KLHL17: variants seen among roughly 807,000 people sequenced by gnomAD.
KLHL17 encodes the protein kelch-like protein 17.
A neutral mutation model predicts 64.6 loss-of-function variants in KLHL17; 71 were observed. That is an observed-to-expected ratio of 1.10 (90% CI 0.91 to 1.34). The LOEUF (loss-of-function observed/expected upper bound fraction) is 1.34, where lower values mean the gene tolerates loss of function less well. Among genes scored for constraint, KLHL17 ranks in the 40% most tolerant of loss-of-function variants. KLHL17 has a pLI of 0.00. For missense variants in KLHL17, 1,140 were observed against 935.0 expected (o/e 1.22, Z -2.86); for synonymous variants, 612 against 405.4 (o/e 1.51, Z -6.12).
intron 1 of KLHL17, 49 bp from the exon 2 acceptor site, chr1:961,244 G>C: frequency 7.7e-7 from 1 of 1,302,162 alleles, no homozygotes. Flanking sequence ...GCTCCAGGGC[G>C]GGCGGGCGGC....
chr1:963,821 A>C, intron 8 of KLHL17, 99 bp from the exon 9 acceptor site: 1 of 1,321,738 alleles, frequency 7.6e-7, no homozygotes. Context: ...TTTGACTCCT[A>C]GGGTAAGATT....
Position 965,415 on chromosome 1 carries a change from T to G in KLHL17, c.*224T>G. 1 of 558,168 alleles carries G rather than the reference T, an allele frequency of 1.8e-6. No homozygotes were observed. Among genetic ancestry groups the G allele is most frequent in the South Asian group, 2.3e-5 (1 of 42,626 alleles). The allele number at this position is 558,168 out of a possible 1,614,324, so 34.6% of individuals were successfully genotyped here. On this transcript the variant is annotated 3_prime_UTR_variant, in exon 12 of 12. Coordinates refer to ENST00000338591, the MANE Select transcript of KLHL17 (RefSeq NM_198317.3). ...TCTGGTCCTCCTGCGTGTCCTCCCC[T>G]CCACTGCCTGCATGGGGGGCGCGGG...
chr1:962,202 A>G, intron 4 of KLHL17, 153 bp from the exon 5 acceptor site: 1 of 1,340,268 alleles, frequency 7.5e-7, no homozygotes, highest in Non-Finnish European at 1.0e-6. Context: ...TGGGCCCCCC[A>G]GGAGCCTCGT....
intron 8 of KLHL17, 29 bp downstream of exon 8, chr1:963,533 T>C: frequency 1.9e-6 from 3 of 1,578,824 alleles, no homozygotes; most frequent in Non-Finnish European, 2.6e-6. Flanking sequence ...CCAGTGGCTT[T>C]GTACAGTCCA....
rs553367821 is a variant in KLHL17, at chr1:964,004, G to A, written c.1440G>A (p.Thr480=). 1.7e-5 allele frequency: 28 copies of A among 1,612,476 alleles called. No individual in the cohort carries two copies. The highest frequency in any genetic ancestry group is 1.6e-4 in the Middle Eastern group (1 of 6,076). Residue 480 remains threonine, a synonymous_variant, in exon 9 of 12, where the codon ACG becomes ACA. Coordinates refer to ENST00000338591, the MANE Select transcript of KLHL17 (RefSeq NM_198317.3). The stretch of plus-strand genomic sequence containing the variant: ...GGAGGCGCTATGTGCGAGTGGCCAC[G>A]CTTGGTGGGTGATGGGGCCTGCCTG... ...STRRRYVRVA[T]LDGNLYAVGG...
Position 963,111 on chromosome 1 carries a change from G to A in KLHL17, c.1045G>A (p.Gly349Ser), listed in dbSNP as rs775031446. ...CCGTCTCCACCTGCCCTCCCCAGGC[G>A]GCGGGAGCCTGTTTGCCATCCACGG... ...GAGPVLFAVG[G>S]GSLFAIHGDC... Residue 349 changes from glycine to serine, a missense_variant and splice_region_variant, in exon 7 of 12, where the codon GGC (glycine) becomes AGC (serine). By Grantham distance (56) the Gly-to-Ser change is moderately conservative. Transcript: ENST00000338591. 28 of 1,611,436 alleles carry A rather than the reference G, an allele frequency of 1.7e-5. No homozygotes were observed. The highest frequency in any genetic ancestry group is 2.0e-5 in the Non-Finnish European group (24 of 1,179,384).
intron 11 of KLHL17, among the ~76,000 whole-genome samples, chr1:964,744 G>A (rs1255736861): frequency 2.6e-3 from 6 of 2,268 alleles, no homozygotes; most frequent in Non-Finnish European, 3.8e-3. Flanking sequence ...GGAGGGGGGC[G>A]CGGGTCCGCA....
chr1:963,545 C>A (rs760258997), intron 8 of KLHL17, 41 bp downstream of exon 8: 2 of 1,556,978 alleles, frequency 1.3e-6, no homozygotes, highest in African/African-American at 2.7e-5. Flanking sequence ...TACAGTCCAT[C>A]TGCAAGAGGC....
rs762289767 is a variant in KLHL17, at chr1:962,478, C to T, written c.828+7C>T. ...CAGGCAGCATGTCCCACGGGTGAGG[C>T]GCGGCCGCGGGGGGCTCCCACAGCA... On this transcript the variant is annotated splice_region_variant and intron_variant, in intron 5 of 11. Transcript: ENST00000338591. The T allele has an allele frequency of 1.1e-5, 18 of 1,611,702 alleles. No individual in the cohort carries two copies. In the Admixed American group the frequency reaches 1.2e-4, roughly 10 times the overall value.
chr1:962,058 G>C lies in KLHL17; in HGVS notation c.711+11G>C, dbSNP rs1271933476. ...CTGCCCCTGAAACAGGTAACAGCTG[G>C]CGGGCCCAGCCCTCGCCCCCCACCC... On this transcript the variant is annotated intron_variant, in intron 4 of 11. Coordinates refer to ENST00000338591, the MANE Select transcript of KLHL17 (RefSeq NM_198317.3). The C allele has an allele frequency of 1.9e-6, 3 of 1,611,060 alleles. No individual in the cohort carries two copies. The highest frequency in any genetic ancestry group is 2.5e-6 in the Non-Finnish European group (3 of 1,179,012).
At position 964,975 on chromosome 1, in the gene KLHL17, C is replaced by G; in HGVS notation, c.1713C>G (p.Asp571Glu). ...APMNIRRSTH[D>E]LVAMDGWLYA... ...GCCTTCCCCCCAGGAGCACGCATGA[C>G]CTGGTGGCCATGGACGGATGGTTGT... Residue 571 changes from aspartate (D) to glutamate (E), a missense_variant, in exon 12 of 12, where the codon GAC becomes GAG. Coordinates refer to ENST00000338591, the MANE Select transcript of KLHL17 (RefSeq NM_198317.3). The G allele has an allele frequency of 6.2e-7, 1 of 1,608,714 alleles. No homozygotes were observed. The highest frequency in any genetic ancestry group is 8.5e-7 in the Non-Finnish European group (1 of 1,177,072).
rs1344588308 is a variant in KLHL17, at chr1:965,160, C to T, written c.1898C>T (p.Pro633Leu). 4 of 1,612,446 alleles carry T rather than the reference C, an allele frequency of 2.5e-6. No individual in the cohort carries two copies. Among genetic ancestry groups the T allele is most frequent in the Non-Finnish European group, 3.4e-6 (4 of 1,179,812 alleles). The change falls in exon 12 of 12, where the codon CCG (proline) becomes CTG (leucine). Residue 633 changes from proline (P) to leucine (L), a missense_variant. Pro to Leu is a moderately conservative substitution (Grantham distance 98). Transcript: ENST00000338591. ...ELLNFPPPSSPTLSVSSTSL is the reference protein window; with the variant it reads ...ELLNFPPPSSLTLSVSSTSL ...CTCAATTTCCCGCCGCCATCCTCCC[C>T]GACGCTGTCCGTGTCCTCCACCAGC...
In KLHL17 at chr1:963,402, C is replaced by G. The variant is rs200489647; in HGVS notation, c.1253C>G (p.Pro418Arg). ...SYDPVTNTWQ[P>R]EVSMGTRRSC... is the part of the protein sequence containing the mutation. ...GACCCCGTGACTAACACGTGGCAGC[C>G]GGAGGTGTCCATGGGCACAAGGCGA... The change falls in exon 8 of 12, where the codon CCG becomes CGG. Residue 418 changes from proline to arginine, a missense_variant. Transcript: ENST00000338591. 1.9e-6 allele frequency: 3 copies of G among 1,612,576 alleles called. No homozygotes were observed. The African/African-American group carries it at 4.0e-5, about 22-fold the overall frequency.
At chr1:962,978 C>T (rs551230007) in intron 6 of KLHL17, 61 bp downstream of exon 6, 3 of 1,513,186 alleles carry the variant, frequency 2.0e-6, no homozygotes, top group East Asian at 4.7e-5. Context: ...CAGCACAAGC[C>T]CACCCCACCT....
Position 965,462 on chromosome 1 carries a change from A to C in KLHL17, c.*271A>C. 5 of 521,380 alleles carry C rather than the reference A, an allele frequency of 9.6e-6. No homozygotes were observed. The South Asian group carries it at 1.0e-4, about 11-fold the overall frequency. The allele number at this position is 521,380 out of a possible 1,614,324, so 32.3% of individuals were successfully genotyped here. ...CGGGGAGTGACCAGGCGGGGGCCTCACCGCCCCAGGGCCGTTGCCTGCTCA... is the reference window on the plus strand; with the variant it reads ...CGGGGAGTGACCAGGCGGGGGCCTCCCCGCCCCAGGGCCGTTGCCTGCTCA... On this transcript the variant is annotated 3_prime_UTR_variant, in exon 12 of 12. Coordinates refer to ENST00000338591, the MANE Select transcript of KLHL17 (RefSeq NM_198317.3).
At position 965,585 on chromosome 1, in the gene KLHL17, G is replaced by T; in HGVS notation, c.*394G>T. On this transcript the variant is annotated 3_prime_UTR_variant, in exon 12 of 12. Transcript: ENST00000338591. ...CATGGCGGGGTCCCGGGAAGGGTGG[G>T]GAGCAGTTGTCCTTCCTGTCGTCGT... The T allele has an allele frequency of 3.9e-6, 1 of 257,516 alleles. No homozygotes were observed. Among genetic ancestry groups the T allele is most frequent in the Non-Finnish European group, 7.4e-6 (1 of 134,434 alleles). 16.0% of individuals were successfully genotyped at this position (257,516 alleles called of 1,614,324 possible).
In KLHL17 at chr1:960,794, C is replaced by T; in HGVS notation, c.101C>T (p.Pro34Leu). Residue 34 changes from proline to leucine, a missense_variant, in exon 1 of 12, where the codon CCG (proline) becomes CTG (leucine). Pro to Leu is a moderately conservative substitution (Grantham distance 98). Transcript: ENST00000338591. ...GCGCCGCCGCCTCCACCGCCGCAGCCGCCGGCGTGAGTGGGCGGGGGTCGG... is the reference window on the plus strand; with the variant it reads ...GCGCCGCCGCCTCCACCGCCGCAGCTGCCGGCGTGAGTGGGCGGGGGTCGG... ...PEAPPPPPPQPPAPEAERTRP... is the reference protein window; with the variant it reads ...PEAPPPPPPQLPAPEAERTRP... 1.9e-6 allele frequency: 2 copies of T among 1,063,234 alleles called. No individual in the cohort carries two copies. The highest frequency in any genetic ancestry group is 4.4e-5 in the South Asian group (1 of 22,744). 65.9% of individuals were successfully genotyped at this position (1,063,234 alleles called of 1,614,324 possible).
Position 960,797 on chromosome 1 carries a change from C to T in KLHL17, c.104C>T (p.Pro35Leu), listed in dbSNP as rs1420987454. The T allele has an allele frequency of 1.9e-6, 2 of 1,052,958 alleles. No individual in the cohort carries two copies. Among genetic ancestry groups the T allele is most frequent in the East Asian group, 1.3e-4 (2 of 14,986 alleles). 65.2% of individuals were successfully genotyped at this position (1,052,958 alleles called of 1,614,324 possible). A position where few individuals can be genotyped will look rare whatever the true frequency, so the allele number is the denominator to read the frequency against. Residue 35 changes from proline to leucine, a missense_variant, in exon 1 of 12, where the codon CCG becomes CTG. Transcript: ENST00000338591. The part of the protein sequence containing the change: ...EAPPPPPPQP[P>L]APEAERTRPR... ...CCGCCGCCTCCACCGCCGCAGCCGC[C>T]GGCGTGAGTGGGCGGGGGTCGGGGC... is the stretch of plus-strand genomic sequence containing the variant.
chr1:961,299 G>A lies in KLHL17; in HGVS notation c.114G>A (p.Glu38=). 4 of 1,514,720 alleles carry A rather than the reference G, an allele frequency of 2.6e-6. No individual in the cohort carries two copies. The South Asian group carries it at 3.6e-5, about 14-fold the overall frequency. 93.8% of individuals were successfully genotyped at this position (1,514,720 alleles called of 1,614,324 possible). The change falls in exon 2 of 12, where the codon GAG becomes GAA. Residue 38 remains glutamate, a synonymous_variant. Transcript: ENST00000338591. ...ACCCGCCCGCCTCCTGCAGCCCCGA[G>A]GCAGAGCGCACGCGGCCCCGGCAGG... ...PPPPPQPPAP[E]AERTRPRQAR...
Sources: allele counts gnomAD v4.1 joint callset (sites outside exome capture counted in the v4.1 genomes callset), GRCh38; gene constraint gnomAD v4.1.1; transcripts MANE v1.5; gene names NCBI Gene and HGNC (gene_info 2026-07-23, HGNC 2026-07-21).